Variants in BEND3 observed in about 807,000 individuals in gnomAD.
The protein encoded by BEND3 is BEN domain-containing protein 3.
In BEND3, 13 loss-of-function variants were observed where a neutral mutation model predicts 60.1. That is an observed-to-expected ratio of 0.22 (90% CI 0.14 to 0.34). BEND3 has a LOEUF of 0.34. Among genes scored for constraint, BEND3 ranks in the 10% least tolerant of loss-of-function variants. The pLI is 1.00. For missense variants in BEND3, 896 were observed against 1,138.1 expected, an observed-to-expected ratio of 0.79 and a Z score of 3.06; for synonymous variants, 497 against 491.5, an observed-to-expected ratio of 1.01 and a Z score of -0.15.
intron 3 of BEND3, 128 bp downstream of exon 3, chr6:107,098,423 C>T: frequency 1.1e-6 from 1 of 926,590 alleles, no homozygotes; most frequent in Non-Finnish European, 1.6e-6. Context: ...GATGGGATAG[C>T]TTAAATGAAA....
intron 3 of BEND3, among the ~76,000 whole-genome samples, chr6:107,074,235 G>A (rs1373560385): frequency 6.6e-6 from 1 of 152,144 alleles, no homozygotes; most frequent in African/African-American, 2.4e-5. Context: ...GGCCAACACG[G>A]TGAAACCCCA....
intron 3 of BEND3, among the ~76,000 whole-genome samples, chr6:107,074,547 GAGA>G (rs1287153845): frequency 6.6e-6 from 1 of 152,180 alleles, no homozygotes; most frequent in Non-Finnish European, 1.5e-5. Flanking sequence ...CAAGTACACT[GAGA>G]AGGACTTTCC....
At chr6:107,075,139 T>A (rs1775074560) in intron 3 of BEND3, among the ~76,000 whole-genome samples, 1 of 150,272 alleles carries the variant, frequency 6.7e-6, no homozygotes, top group African/African-American at 2.4e-5. Flanking sequence ...GGTGGGAGGA[T>A]CACTTGAGTC....
intron 3 of BEND3, among the ~76,000 whole-genome samples, chr6:107,072,702 C>T (rs1290310027): frequency 5.3e-5 from 8 of 152,118 alleles, no homozygotes; most frequent in Admixed American, 1.3e-4. Context: ...AATTAATGAA[C>T]GGCTGGGCGT....
intron 3 of BEND3, among the ~76,000 whole-genome samples, chr6:107,097,925 A>G (rs1025829761): frequency 3.9e-5 from 6 of 152,186 alleles, no homozygotes; most frequent in African/African-American, 1.4e-4. Context: ...TATGCAAATT[A>G]AAGCCTAACC....
At chr6:107,073,201 GTATATATATATATATATATATATATA>G (rs782669876) in intron 3 of BEND3, among the ~76,000 whole-genome samples, 309 of 22,592 alleles carry the variant, frequency 0.014, 5 homozygotes, top group Non-Finnish European at 0.019. Flanking sequence ...GTATGTGTAT[GTATATATATATATATATATATATATA>G]TATATATATA....
intron 1 of BEND3, among the ~76,000 whole-genome samples, chr6:107,109,734 C>T (rs1192079743): frequency 2.6e-5 from 4 of 151,960 alleles, no homozygotes; most frequent in African/African-American, 9.7e-5. Flanking sequence ...ATTAGCCAGG[C>T]GTAGTGGCGG....
rs1774963417 is a variant in BEND3 at position 107,070,860 on chromosome 6, C to T, written c.331G>A (p.Val111Met). 1.2e-6 allele frequency: 2 copies of T among 1,613,848 alleles called. No homozygotes were observed. Among genetic ancestry groups the T allele is most frequent in the Non-Finnish European group, 1.7e-6 (2 of 1,180,044 alleles). Residue 111 changes from valine (V) to methionine (M), a missense_variant, in exon 4 of 4, where the codon GTG becomes ATG. Val to Met is a conservative substitution (Grantham distance 21). Around this residue, in one of 4 missense-constraint regions of BEND3, gnomAD observed 846 missense variants for 1,036.7 expected, o/e 0.82. Transcript: ENST00000369042. This position sits in a 1 kb window ranked among gnomAD's most constrained non-coding sequence, Gnocchi z 6.9. ...QAGRGRSLGN[V>M]WPGEEEPCND... ...CAGGGCTCCTCCTCTCCAGGCCACA[C>T]ATTGCCCAGGCTCCTGCCCCTGCCG...
intron 1 of BEND3, among the ~76,000 whole-genome samples, chr6:107,110,030 CAAAAAAAA>C (rs10708512): frequency 0.082 from 10,302 of 125,582 alleles, 414 homozygotes; most frequent in Middle Eastern, 0.16. Context: ...GACCCTGACT[CAAAAAAAA>C]AAAAAAAAAA....
At position 107,085,715 on chromosome 6, in the gene BEND3, T is replaced by C. The variant is rs545686406; in HGVS notation, c.240+12836A>G. 2.6e-5 allele frequency among the ~76,000 whole-genome samples: 4 copies of C among 151,970 alleles called. No homozygotes were observed. The South Asian group carries it at 6.3e-4, about 24-fold the overall frequency. On this transcript the variant is annotated intron_variant, in intron 3 of 3. Transcript: ENST00000369042. ...ACTGTGTTAGCCAGGATGGTCTCGATTTCCCGACCTCATGATCCACCTGCC... is the reference window on the plus strand; with the variant it reads ...ACTGTGTTAGCCAGGATGGTCTCGACTTCCCGACCTCATGATCCACCTGCC...
rs72935743 is a variant in BEND3, at chr6:107,066,915, C to T, written c.*1789G>A. 30,802 of 152,222 alleles carry T rather than the reference C, an allele frequency of 0.2. 3,601 individuals are homozygous for T. Among genetic ancestry groups the T allele is most frequent in the East Asian group, 0.42 (2,147 of 5,162 alleles). 9.4% of individuals were successfully genotyped at this position (152,222 alleles called of 1,614,324 possible). ...ACTTGTTATTCGTGTAGGCCCCCTT[C>T]ATCTCACTTCAGCTTTTAGTAAGCA... is the stretch of plus-strand genomic sequence containing the variant. On this transcript the variant is annotated 3_prime_UTR_variant, in exon 4 of 4. Transcript: ENST00000369042.
Position 107,113,718 on chromosome 6 carries a change from C to T in BEND3, c.-12+1372G>A, listed in dbSNP as rs1770177565. On this transcript the variant is annotated intron_variant, in intron 1 of 3. Coordinates refer to ENST00000369042, the MANE Select transcript of BEND3 (RefSeq NM_001367314.1). ...CCAGTACCGAGGAAAGCTTGACAGG[C>T]TCTTGTATGGTAGTATAAAGCCAAT... Among the ~76,000 whole-genome samples, 3 of 151,846 alleles carry T rather than the reference C, an allele frequency of 2.0e-5. No homozygotes were observed. In the South Asian group the frequency reaches 6.2e-4, roughly 32 times the overall value.
intron 1 of BEND3, among the ~76,000 whole-genome samples, chr6:107,101,075 G>C (rs1461406999): frequency 6.6e-6 from 1 of 152,090 alleles, no homozygotes; most frequent in Non-Finnish European, 1.5e-5. Context: ...GGTGGCACAC[G>C]CCTATAGTCC....
At chr6:107,074,998 G>A (rs1482516134) in intron 3 of BEND3, among the ~76,000 whole-genome samples, 2 of 152,076 alleles carry the variant, frequency 1.3e-5, no homozygotes, top group Non-Finnish European at 2.9e-5. Flanking sequence ...CTACTCAGGA[G>A]GCTAAGGCAG....
intron 1 of BEND3, among the ~76,000 whole-genome samples, chr6:107,109,467 G>A (rs1775895185): frequency 1.9e-5 from 1 of 53,506 alleles, no homozygotes; most frequent in African/African-American, 5.4e-5. Flanking sequence ...AATCGAGGTG[G>A]GGCAGGCATA....
At chr6:107,078,765 C>T (rs782116579) in intron 3 of BEND3, among the ~76,000 whole-genome samples, 9 of 150,428 alleles carry the variant, frequency 6.0e-5, no homozygotes, top group Non-Finnish European at 8.9e-5. Flanking sequence ...TGGCGATCTG[C>T]CCCTCGTCTG....
chr6:107,113,271 A>G (rs571757810), intron 1 of BEND3, among the ~76,000 whole-genome samples: 15 of 151,694 alleles, frequency 9.9e-5, no homozygotes, highest in Admixed American at 4.6e-4. Flanking sequence ...CTCCGTCTCT[A>G]CTACAAATAC....
chr6:107,099,418 AC>A lies in BEND3; in HGVS notation c.-11-123del, dbSNP rs1775659563. The A allele has an allele frequency of 1.0e-5, 8 of 786,244 alleles. No individual in the cohort carries two copies. In the Admixed American group the frequency reaches 2.0e-4, roughly 19 times the overall value. 48.7% of individuals were successfully genotyped at this position (786,244 alleles called of 1,614,324 possible). On this transcript the variant is annotated intron_variant, in intron 1 of 3. Coordinates refer to ENST00000369042, the MANE Select transcript of BEND3 (RefSeq NM_001367314.1). ...GCTCTAGGTAACAGAGCAGCACAGC[AC>A]TGTGGAAGCTATGTGTCCTCCTAAT...
At chr6:107,079,573 C>T (rs1386940463) in intron 3 of BEND3, among the ~76,000 whole-genome samples, 1 of 152,172 alleles carries the variant, frequency 6.6e-6, no homozygotes, top group African/African-American at 2.4e-5. Context: ...CTGTATGCCC[C>T]CTAGAGGTTT....
Sources: gnomAD v4.1 joint callset for allele counts (sites outside exome capture counted in the v4.1 genomes callset) on GRCh38, gnomAD v4.1.1 for gene constraint, gnomAD v4.1.1 regional missense constraint, Gnocchi (gnomAD v3.1) non-coding constraint, MANE v1.5 for transcripts, NCBI Gene and HGNC (gene_info 2026-07-23, HGNC 2026-07-21) for gene names.